Variants in LRRC37A2 observed in about 807,000 individuals in gnomAD.
LRRC37A2 encodes leucine-rich repeat-containing protein 37A2.
In LRRC37A2, 9 loss-of-function variants were observed where a neutral mutation model predicts 68.8. The observed-to-expected ratio is 0.13, with a 90% CI of 0.08 to 0.23. The LOEUF is 0.23. Ranked by LOEUF, LRRC37A2 falls within the 10% of genes least tolerant of loss-of-function variation. The pLI is 1.00. For synonymous variants in LRRC37A2, 63 were observed against 367.6 expected, an observed-to-expected ratio of 0.17 and a Z score of 9.48; for missense variants, 168 against 950.4, an observed-to-expected ratio of 0.18 and a Z score of 10.82.
the LRRC37A2 span, among the ~76,000 whole-genome samples, chr17:46,792,023 G>C: frequency 1.3e-5 from 2 of 152,248 alleles, no homozygotes; most frequent in Non-Finnish European, 2.9e-5. Flanking sequence ...CTGGGCAACA[G>C]AGTGAGATCC....
At chr17:46,901,398 G>A in the LRRC37A2 span, among the ~76,000 whole-genome samples, 13 of 152,114 alleles carry the variant, frequency 8.5e-5, no homozygotes, top group Admixed American at 3.3e-4. Flanking sequence ...CCGACCTCAG[G>A]TGATCCGCCT....
the LRRC37A2 span, among the ~76,000 whole-genome samples, chr17:46,688,154 C>CA: frequency 2.8e-5 from 4 of 140,780 alleles, no homozygotes; most frequent in East Asian, 4.2e-4. Context: ...CAATTGCCAC[C>CA]AAAAAACATA....
At chr17:46,993,988 C>T in the LRRC37A2 span, among the ~76,000 whole-genome samples, 1 of 152,218 alleles carries the variant, frequency 6.6e-6, no homozygotes, top group South Asian at 2.1e-4. Context: ...ACAGACATTC[C>T]CCAGTGGATT....
the LRRC37A2 span, among the ~76,000 whole-genome samples, chr17:46,790,847 G>A: frequency 8.5e-5 from 13 of 152,312 alleles, no homozygotes; most frequent in Non-Finnish European, 1.5e-4. Flanking sequence ...TTTTATGTGC[G>A]TTCCAAAACA....
At chr17:46,997,191 A>C in the LRRC37A2 span, among the ~76,000 whole-genome samples, 1 of 152,212 alleles carries the variant, frequency 6.6e-6, no homozygotes, top group Non-Finnish European at 1.5e-5. Flanking sequence ...TCTGTACTAA[A>C]AATACAAAAA....
the LRRC37A2 span, among the ~76,000 whole-genome samples, chr17:46,598,112 TA>T: frequency 1.0e-4 from 5 of 49,092 alleles, 1 homozygote; most frequent in Middle Eastern, 0.016. Flanking sequence ...GCGATACTCT[TA>T]ATGGGTTTTA....
chr17:46,896,321 AAG>A, the LRRC37A2 span, among the ~76,000 whole-genome samples: 5 of 150,574 alleles, frequency 3.3e-5, no homozygotes, highest in Non-Finnish European at 7.4e-5. Context: ...GAAAGAAAGA[AAG>A]AGAGAAAGAG....
At chr17:46,918,371 C>T in the LRRC37A2 span, among the ~76,000 whole-genome samples, 1 of 152,334 alleles carries the variant, frequency 6.6e-6, no homozygotes, top group East Asian at 1.9e-4. Context: ...AACCGCCGCC[C>T]CCGGCCTATA....
the LRRC37A2 span, among the ~76,000 whole-genome samples, chr17:46,718,631 A>G: frequency 6.6e-6 from 1 of 152,220 alleles, no homozygotes; most frequent in Non-Finnish European, 1.5e-5. Flanking sequence ...GTAGTATAAC[A>G]TGACCGAGAA....
the LRRC37A2 span, among the ~76,000 whole-genome samples, chr17:46,966,073 G>A: frequency 6.6e-6 from 1 of 152,004 alleles, no homozygotes; most frequent in Non-Finnish European, 1.5e-5. Context: ...CTTATAATAT[G>A]TCTAACGATG....
the LRRC37A2 span, chr17:46,932,250 G>A: frequency 3.7e-6 from 6 of 1,609,026 alleles, no homozygotes; most frequent in Non-Finnish European, 5.1e-6. Flanking sequence ...GATCGTGGGG[G>A]CTGGAGTTCA....
At chr17:46,825,829 G>T in the LRRC37A2 span, among the ~76,000 whole-genome samples, 1 of 152,222 alleles carries the variant, frequency 6.6e-6, no homozygotes, top group African/African-American at 2.4e-5. Flanking sequence ...TTTGAAACCA[G>T]CCTGGCCAAT....
the LRRC37A2 span, among the ~76,000 whole-genome samples, chr17:46,889,982 G>A: frequency 3.9e-5 from 6 of 152,284 alleles, no homozygotes; most frequent in South Asian, 6.2e-4. Flanking sequence ...CTCTAAACAA[G>A]CATTCTCTGC....
At chr17:46,928,711 C>T in the LRRC37A2 span, among the ~76,000 whole-genome samples, 1 of 152,162 alleles carries the variant, frequency 6.6e-6, no homozygotes, top group Non-Finnish European at 1.5e-5. Flanking sequence ...GAATGGTTTC[C>T]TCCAGTGAGT....
chr17:46,703,676 G>A, the LRRC37A2 span, among the ~76,000 whole-genome samples: 1 of 92,326 alleles, frequency 1.1e-5, no homozygotes. Context: ...GTGAGACTCC[G>A]TCTCAAAAAA....
chr17:47,000,519 C>G, the LRRC37A2 span, among the ~76,000 whole-genome samples: 3 of 151,994 alleles, frequency 2.0e-5, no homozygotes, highest in Admixed American at 6.6e-5. Context: ...CAAGCCTGAG[C>G]CACCGTGCCC....
At chr17:46,828,011 CA>C in the LRRC37A2 span, among the ~76,000 whole-genome samples, 1 of 151,488 alleles carries the variant, frequency 6.6e-6, no homozygotes, top group Non-Finnish European at 1.5e-5. Flanking sequence ...GGGGTTTCAC[CA>C]TGTTAGCCAG....
chr17:46,737,519 G>A, the LRRC37A2 span, among the ~76,000 whole-genome samples: 18 of 152,038 alleles, frequency 1.2e-4, no homozygotes, highest in Middle Eastern at 3.4e-3. Flanking sequence ...AAGGGTGGCT[G>A]CACTCACCCA....
the LRRC37A2 span, among the ~76,000 whole-genome samples, chr17:46,490,077 G>GT: frequency 2.3e-4 from 34 of 150,968 alleles, no homozygotes; most frequent in Non-Finnish European, 2.9e-4. Flanking sequence ...GTGGACCTCA[G>GT]TTTACTCACC....
Sources: allele counts gnomAD v4.1 joint callset (sites outside exome capture counted in the v4.1 genomes callset), GRCh38; gene constraint gnomAD v4.1.1; transcripts MANE v1.5; gene names NCBI Gene and HGNC (gene_info 2026-07-23, HGNC 2026-07-21).